Variants in VAV3 observed in about 807,000 individuals in gnomAD.
VAV3 encodes the protein vav guanine nucleotide exchange factor 3.
Under a neutral mutation model 131.2 loss-of-function variants are expected in VAV3, and 94 were observed. That is an observed-to-expected ratio of 0.72 (90% CI 0.61 to 0.85). VAV3 has a LOEUF of 0.85. Among genes scored for constraint, VAV3 ranks in the 40% least tolerant of loss-of-function variants. The pLI, the probability that VAV3 is intolerant of heterozygous loss-of-function variation, is 0.00. For missense variants in VAV3, 939 were observed against 1,002.7 expected, an observed-to-expected ratio of 0.94 and a Z score of 0.86; for synonymous variants, 349 against 342.0, an observed-to-expected ratio of 1.02 and a Z score of -0.22.
rs1248838912 is a variant in VAV3 at position 107,965,133 on chromosome 1, G to T, written c.-264C>A. On this transcript the variant is annotated 5_prime_UTR_variant, in exon 1 of 27. Coordinates refer to ENST00000370056, the MANE Select transcript of VAV3 (RefSeq NM_006113.5). ...CTCCGTGCGCCCCGGCCGGCTCGGC[G>T]GCGGCTGCCGCGCACAGGCTTCCGA... 1 of 149,450 alleles carries T rather than the reference G, an allele frequency of 6.7e-6. No homozygotes were observed. Among genetic ancestry groups the T allele is most frequent in the African/African-American group, 2.4e-5 (1 of 41,088 alleles). The allele number at this position is 149,450 out of a possible 1,614,324, so 9.3% of individuals were successfully genotyped here.
chr1:107,888,757 C>T (rs978117889), intron 1 of VAV3, among the ~76,000 whole-genome samples: 1 of 152,124 alleles, frequency 6.6e-6, no homozygotes, highest in African/African-American at 2.4e-5. Context: ...CTGGGCCGGG[C>T]CTACCCTGAC....
intron 1 of VAV3, among the ~76,000 whole-genome samples, chr1:107,901,050 A>G (rs1671835188): frequency 6.6e-6 from 1 of 152,244 alleles, no homozygotes; most frequent in South Asian, 2.1e-4. Flanking sequence ...TGTACTTACT[A>G]AAGATTACTG....
chr1:107,964,649 C>A lies in VAV3; in HGVS notation c.204+17G>T, dbSNP rs758029299. The A allele has an allele frequency of 1.9e-6, 3 of 1,606,824 alleles. No homozygotes were observed. The highest frequency in any genetic ancestry group is 2.2e-5 in the South Asian group (2 of 90,150). ...AGCTGCCGGCTGGAGGCGGGGCGCC[C>A]GTGCCGGCCTCCTCACCTGGGACAT... On this transcript the variant is annotated intron_variant, in intron 1 of 26. Transcript: ENST00000370056.
chr1:107,809,887 G>A (rs1667236402), intron 2 of VAV3, among the ~76,000 whole-genome samples: 1 of 152,074 alleles, frequency 6.6e-6, no homozygotes, highest in Non-Finnish European at 1.5e-5. Context: ...AAATTTTAAG[G>A]ATCTCAATTT....
intron 21 of VAV3, among the ~76,000 whole-genome samples, chr1:107,612,704 T>C (rs1383287782): frequency 6.6e-6 from 1 of 152,146 alleles, no homozygotes; most frequent in Non-Finnish European, 1.5e-5. Flanking sequence ...TGTATTTTCT[T>C]ATGTTCCAAA....
chr1:107,821,626 G>A (rs987355420), intron 2 of VAV3, among the ~76,000 whole-genome samples: 1 of 152,196 alleles, frequency 6.6e-6, no homozygotes, highest in Non-Finnish European at 1.5e-5. Flanking sequence ...CAGTAAAATG[G>A]AAGACAGAGG....
chr1:107,672,129 C>T (rs1182180760), intron 19 of VAV3: 1 of 151,916 alleles, frequency 6.6e-6, no homozygotes, highest in African/African-American at 2.4e-5. Context: ...CTTAGCTAGG[C>T]ATGGTGGCAC....
intron 2 of VAV3, among the ~76,000 whole-genome samples, chr1:107,858,756 G>T (rs893482934): frequency 6.6e-6 from 1 of 152,140 alleles, no homozygotes; most frequent in African/African-American, 2.4e-5. Flanking sequence ...AAAAGGTTGG[G>T]GACTGATGCT....
chr1:107,582,787 C>G (rs1206715248), intron 25 of VAV3, among the ~76,000 whole-genome samples: 1 of 151,968 alleles, frequency 6.6e-6, no homozygotes, highest in Non-Finnish European at 1.5e-5. Context: ...GAATATCTGC[C>G]ACATTTTCTT....
At chr1:107,797,175 ATATAAAC>A (rs1384379901) in intron 2 of VAV3, among the ~76,000 whole-genome samples, 2 of 152,214 alleles carry the variant, frequency 1.3e-5, no homozygotes, top group African/African-American at 2.4e-5. Flanking sequence ...GTAAAAAGCT[ATATAAAC>A]TATATAGTGT....
At chr1:107,643,460 A>T (rs1049960963) in intron 19 of VAV3, among the ~76,000 whole-genome samples, 2 of 152,174 alleles carry the variant, frequency 1.3e-5, no homozygotes, top group African/African-American at 4.8e-5. Context: ...AGCAGCTTCA[A>T]TTGAACATGG....
At chr1:107,917,401 A>G (rs556065918) in intron 1 of VAV3, among the ~76,000 whole-genome samples, 35 of 152,326 alleles carry the variant, frequency 2.3e-4, no homozygotes, top group Admixed American at 1.2e-3. Flanking sequence ...TTTATAGATA[A>G]GGGAACTAAG....
intron 15 of VAV3, among the ~76,000 whole-genome samples, chr1:107,747,842 TA>T (rs1269493017): frequency 2.6e-5 from 4 of 152,174 alleles, no homozygotes; most frequent in African/African-American, 9.7e-5. Context: ...AAATATTAGA[TA>T]AAATAATCCT....
At chr1:107,603,835 T>G (rs571093451) in intron 22 of VAV3, among the ~76,000 whole-genome samples, 141 of 151,848 alleles carry the variant, frequency 9.3e-4, no homozygotes, top group African/African-American at 3.4e-3. Context: ...AGACAGAGCT[T>G]CTCTCTCTTG....
intron 20 of VAV3, among the ~76,000 whole-genome samples, chr1:107,636,560 A>G (rs528689156): frequency 2.6e-5 from 4 of 152,330 alleles, no homozygotes; most frequent in Non-Finnish European, 4.4e-5. Context: ...AAATAATTAT[A>G]TTAGCCCACA....
intron 15 of VAV3, 60 bp downstream of exon 15, chr1:107,748,908 T>G: frequency 8.2e-7 from 1 of 1,223,812 alleles, no homozygotes; most frequent in Non-Finnish European, 1.2e-6. Context: ...TGGTTGTTCA[T>G]TATTCATAAG....
intron 25 of VAV3, among the ~76,000 whole-genome samples, chr1:107,579,945 G>A (rs753773487): frequency 7.5e-4 from 114 of 152,128 alleles, no homozygotes; most frequent in Non-Finnish European, 1.5e-4. Context: ...TAACTTCCCT[G>A]TCTCAAAAGT....
At chr1:107,819,808 CT>C (rs1667717751) in intron 2 of VAV3, among the ~76,000 whole-genome samples, 1 of 151,988 alleles carries the variant, frequency 6.6e-6, no homozygotes, top group African/African-American at 2.4e-5. Flanking sequence ...ATAACAACTG[CT>C]TTTTTCTTTT....
chr1:107,635,182 GCA>G (rs1654821364), intron 20 of VAV3, among the ~76,000 whole-genome samples: 1 of 152,028 alleles, frequency 6.6e-6, no homozygotes, highest in African/African-American at 2.4e-5. Flanking sequence ...TATGTTTATT[GCA>G]TCACTATTCA....
Sources: allele counts gnomAD v4.1 joint callset (sites outside exome capture counted in the v4.1 genomes callset), GRCh38; gene constraint gnomAD v4.1.1; transcripts MANE v1.5; gene names NCBI Gene and HGNC (gene_info 2026-07-23, HGNC 2026-07-21).